The following APOB variants were observed in gnomAD, a reference collection of about 807,000 sequenced individuals.
The protein encoded by APOB is apolipoprotein B.
Under a neutral mutation model 314.1 loss-of-function variants are expected in APOB, and 153 were observed. The observed-to-expected ratio is 0.49, with a 90% CI of 0.43 to 0.56. The LOEUF (loss-of-function observed/expected upper bound fraction) is 0.56, where lower values mean the gene tolerates loss of function less well. Among genes scored for constraint, APOB ranks in the 20% least tolerant of loss-of-function variants. APOB has a pLI of 0.00. For synonymous variants in APOB, 2,087 were observed against 2,036.4 expected, an observed-to-expected ratio of 1.02 and a Z score of -0.67; for missense variants, 5,430 against 5,350.7, an observed-to-expected ratio of 1.01 and a Z score of -0.46.
Position 21,011,460 on chromosome 2 carries a change from T to C in APOB, c.5408A>G (p.Tyr1803Cys), listed in dbSNP as rs1663319271. The C allele has an allele frequency of 6.2e-7, 1 of 1,614,210 alleles. No individual in the cohort carries two copies. The highest frequency in any genetic ancestry group is 8.5e-7 in the Non-Finnish European group (1 of 1,180,034). ...LVTTLNSDLK[Y>C]NALDLTNNGK... ...ATTGTTGGTGAGATCCAGAGCATTG[T>C]ATTTCAGGTCACTGTTTAAAGTAGT... Residue 1803 changes from tyrosine to cysteine, a missense_variant, in exon 26 of 29, where the codon TAC (tyrosine) becomes TGC (cysteine). Around this residue, in one of 3 missense-constraint regions of APOB, gnomAD observed 64 missense variants for 99.9 expected, o/e 0.64. Transcript: ENST00000233242.
intron 28 of APOB, 98 bp downstream of exon 28, chr2:21,004,171 G>C (rs774293185): frequency 1.5e-6 from 2 of 1,344,858 alleles, no homozygotes. Flanking sequence ...CTTTCACCTA[G>C]TTTGGGGAAT....
At chr2:21,024,579 C>T in intron 16 of APOB, 1 of 464,818 alleles carries the variant, frequency 2.2e-6, no homozygotes, top group Non-Finnish European at 3.8e-6. Context: ...GATTGTATCA[C>T]TGCACTCCAG....
chr2:21,011,914 T>G lies in APOB; in HGVS notation c.4954A>C (p.Ile1652Leu), dbSNP rs776008744. Reference sequence around the variant, plus strand: ...AAGTTGGTCGTTGCACTGGTAGATATTCCATCTTGGCCAATCCTTAGTGTC... The same window carrying G: ...AAGTTGGTCGTTGCACTGGTAGATAGTCCATCTTGGCCAATCCTTAGTGTC... ...KATLRIGQDG[I>L]STSATTNLKC... Residue 1652 changes from isoleucine (I) to leucine (L), a missense_variant, in exon 26 of 29, where the codon ATA becomes CTA. This residue lies in a region of APOB where 2,085 missense variants were observed against 2,079.7 expected (regional missense o/e 1.00). Transcript: ENST00000233242. 6.2e-5 allele frequency: 100 copies of G among 1,613,900 alleles called. No homozygotes were observed. The highest frequency in any genetic ancestry group is 8.4e-5 in the Non-Finnish European group (99 of 1,180,040).
In APOB at chr2:21,002,700, A is replaced by G. The variant is rs372040568; in HGVS notation, c.12722T>C (p.Ile4241Thr). ...TAGGTCTTGGAAATAGGAAAACAGT[A>G]TTTCTGAACCATTATGGACTTTCGA... Reference protein sequence around the residue: ...VYSKVHNGSEILFSYFQDLVI... With the variant: ...VYSKVHNGSETLFSYFQDLVI... Residue 4241 changes from isoleucine to threonine, a missense_variant, in exon 29 of 29, where the codon ATA (isoleucine) becomes ACA (threonine). Transcript: ENST00000233242. 2.5e-6 allele frequency: 4 copies of G among 1,613,646 alleles called. No homozygotes were observed. Among genetic ancestry groups the G allele is most frequent in the Non-Finnish European group, 3.4e-6 (4 of 1,179,870 alleles).
In APOB at chr2:21,006,042, G is replaced by C; in HGVS notation, c.10826C>G (p.Ser3609Cys). 1 of 1,613,990 alleles carries C rather than the reference G, an allele frequency of 6.2e-7. No individual in the cohort carries two copies. Residue 3609 changes from serine (S) to cysteine (C), a missense_variant, in exon 26 of 29, where the codon TCC becomes TGC. Around this residue, in one of 3 missense-constraint regions of APOB, gnomAD observed 3,281 missense variants for 3,171.0 expected, o/e 1.03. Coordinates refer to ENST00000233242, the MANE Select transcript of APOB (RefSeq NM_000384.3). ...GCCAAGGTCAGGGAAATCATGGAAG[G>C]AACTGGGCTGACTTGCATGGACCTG... ...LVQVHASQPS[S>C]FHDFPDLGQE...
Position 21,005,108 on chromosome 2 carries a change from G to A in APOB, c.11760C>T (p.Thr3920=), listed in dbSNP as rs372222161. 3.1e-5 allele frequency: 50 copies of A among 1,613,804 alleles called. No homozygotes were observed. The highest frequency in any genetic ancestry group is 3.6e-5 in the Non-Finnish European group (42 of 1,179,882). ...ETVLDSTCSS[T]VQFLEYELNV... is the part of the protein sequence containing the mutation. ...TTAGTTCATATTCTAGGAACTGTACGGTTGAGCTGCATGTGGAATCCAGGA... is the reference window on the plus strand; with the variant it reads ...TTAGTTCATATTCTAGGAACTGTACAGTTGAGCTGCATGTGGAATCCAGGA... Residue 3920 remains threonine (T), a synonymous_variant, in exon 26 of 29, where the codon ACC becomes ACT. Coordinates refer to ENST00000233242, the MANE Select transcript of APOB (RefSeq NM_000384.3).
At position 21,010,175 on chromosome 2, in the gene APOB, C is replaced by A. The variant is rs1553383661; in HGVS notation, c.6693G>T (p.Leu2231Phe). 2 of 1,600,534 alleles carry A rather than the reference C, an allele frequency of 1.2e-6. No homozygotes were observed. The highest frequency in any genetic ancestry group is 2.2e-5 in the East Asian group (1 of 44,494). ...NLVKTIHDLH[L>F]FIENIDFNKS... is the part of the protein sequence containing the mutation. The stretch of plus-strand genomic sequence containing the variant: ...TGTTAAAATCAATATTTTCAATAAA[C>A]AAATGTAGATCATGGATTGTTTTTA... The change falls in exon 26 of 29, where the codon TTG (leucine) becomes TTT (phenylalanine). Residue 2231 changes from leucine (L) to phenylalanine (F), a missense_variant. Leu to Phe is a conservative substitution (Grantham distance 22, BLOSUM62 0). Around this residue, in one of 3 missense-constraint regions of APOB, gnomAD observed 3,281 missense variants for 3,171.0 expected, o/e 1.03. Coordinates refer to ENST00000233242, the MANE Select transcript of APOB (RefSeq NM_000384.3).
intron 10 of APOB, among the ~76,000 whole-genome samples, chr2:21,030,720 G>A (rs968050552): frequency 1.5e-4 from 23 of 151,988 alleles, no homozygotes; most frequent in Admixed American, 4.6e-4. Flanking sequence ...ACTAATATCC[G>A]GAATGTACAA....
At chr2:21,040,816 C>G (rs1425794842) in intron 4 of APOB, 122 bp downstream of exon 4, 1 of 1,136,716 alleles carries the variant, frequency 8.8e-7, no homozygotes, top group African/African-American at 1.5e-5. Flanking sequence ...CAGTAATTCC[C>G]TGATCCACGA....
chr2:21,022,753 T>C, intron 18 of APOB, 78 bp downstream of exon 18: 1 of 1,391,582 alleles, frequency 7.2e-7, no homozygotes, highest in Non-Finnish European at 1.0e-6. Context: ...ATCAACTGTT[T>C]AGCCTGGCAA....
chr2:21,004,568 C>G lies in APOB; in HGVS notation c.11896G>C (p.Gly3966Arg), dbSNP rs781598847. The G allele has an allele frequency of 6.2e-7, 1 of 1,613,656 alleles. No individual in the cohort carries two copies. Among genetic ancestry groups the G allele is most frequent in the Non-Finnish European group, 8.5e-7 (1 of 1,179,646 alleles). ...TCAATAAAAGCTCCATACTGAAGTCCTTCATATTTGCCATCTTCTTCATAT... is the reference window on the plus strand; with the variant it reads ...TCAATAAAAGCTCCATACTGAAGTCGTTCATATTTGCCATCTTCTTCATAT... The part of the protein sequence containing the change: ...AEYEEDGKYE[G>R]LQEWEGKAHL... The change falls in exon 27 of 29, where the codon GGA becomes CGA. Residue 3966 changes from glycine (G) to arginine (R), a missense_variant. By Grantham distance (125) the Gly-to-Arg change is moderately radical. This residue lies in a region of APOB where 3,281 missense variants were observed against 3,171.0 expected (regional missense o/e 1.03). Transcript: ENST00000233242.
rs1663473669 is a variant in APOB, at chr2:21,016,643, T to C, written c.3128A>G (p.Lys1043Arg). Reference protein sequence around the residue: ...LKFVTQAEGAKQTEATMTFKY... With the variant: ...LKFVTQAEGARQTEATMTFKY... ...GAATGTCATGGTAGCCTCAGTCTGC[T>C]TCGCACCTGGACGAGTGTATAAGAG... Residue 1043 changes from lysine to arginine, a missense_variant, in exon 21 of 29, where the codon AAG (lysine) becomes AGG (arginine). Around this residue, in one of 3 missense-constraint regions of APOB, gnomAD observed 2,085 missense variants for 2,079.7 expected, o/e 1.00. Coordinates refer to ENST00000233242, the MANE Select transcript of APOB (RefSeq NM_000384.3). 6.3e-7 allele frequency: 1 copy of C among 1,598,224 alleles called. No individual in the cohort carries two copies. The highest frequency in any genetic ancestry group is 1.3e-5 in the African/African-American group (1 of 74,748).
At position 21,005,978 on chromosome 2, in the gene APOB, C is replaced by G. The variant is rs768105768; in HGVS notation, c.10890G>C (p.Lys3630Asn). ...TCCGGACTTCATTTTTCCATCTGAT[C>G]TTCTGGTTCTTAGTGTTAGCATTCA... ...VALNANTKNQ[K>N]IRWKNEVRIH... The change falls in exon 26 of 29, where the codon AAG (lysine) becomes AAC (asparagine). Residue 3630 changes from lysine (K) to asparagine (N), a missense_variant. Coordinates refer to ENST00000233242, the MANE Select transcript of APOB (RefSeq NM_000384.3). 2 of 1,613,808 alleles carry G rather than the reference C, an allele frequency of 1.2e-6. No individual in the cohort carries two copies. Among genetic ancestry groups the G allele is most frequent in the Non-Finnish European group, 1.7e-6 (2 of 1,179,946 alleles).
rs779190356 is a variant in APOB, at chr2:21,009,006, A to AG, written c.7861dup (p.Leu2621ProfsTer34). ...AACTGATGGAATCCTCAAATCTGTT[A>AG]GGGGGACTATAAAATCAGGTGTCTG... On this transcript the variant is annotated frameshift_variant, in exon 26 of 29. Transcript: ENST00000233242. LOFTEE classifies it high-confidence loss of function. 1 of 1,614,062 alleles carries AG rather than the reference A, an allele frequency of 6.2e-7. No homozygotes were observed. Among genetic ancestry groups the AG allele is most frequent in the South Asian group, 1.1e-5 (1 of 91,076 alleles).
intron 17 of APOB, 147 bp downstream of exon 17, chr2:21,023,378 A>G: frequency 1.1e-6 from 1 of 949,886 alleles, no homozygotes; most frequent in Non-Finnish European, 1.6e-6. Context: ...GGAAGCTTGA[A>G]GTTTTTCATA....
At position 21,005,134 on chromosome 2, in the gene APOB, C is replaced by G; in HGVS notation, c.11734G>C (p.Val3912Leu). ...LKNKADYVETVLDSTCSSTVQ... is the reference protein window; with the variant it reads ...LKNKADYVETLLDSTCSSTVQ... Reference sequence around the variant, plus strand: ...GTTGAGCTGCATGTGGAATCCAGGACTGTTTCAACATAATCTGCTTTGTTT... The same window carrying G: ...GTTGAGCTGCATGTGGAATCCAGGAGTGTTTCAACATAATCTGCTTTGTTT... The change falls in exon 26 of 29, where the codon GTC becomes CTC. Residue 3912 changes from valine to leucine, a missense_variant. By Grantham distance (32) the Val-to-Leu change is conservative. This residue lies in a region of APOB where 3,281 missense variants were observed against 3,171.0 expected (regional missense o/e 1.03). Coordinates refer to ENST00000233242, the MANE Select transcript of APOB (RefSeq NM_000384.3). 2 of 1,614,012 alleles carry G rather than the reference C, an allele frequency of 1.2e-6. No homozygotes were observed. Among genetic ancestry groups the G allele is most frequent in the African/African-American group, 1.3e-5 (1 of 75,030 alleles).
At position 21,008,502 on chromosome 2, in the gene APOB, A is replaced by G. The variant is rs941835419; in HGVS notation, c.8366T>C (p.Ile2789Thr). 27 of 1,613,976 alleles carry G rather than the reference A, an allele frequency of 1.7e-5. No individual in the cohort carries two copies. The highest frequency in any genetic ancestry group is 2.1e-5 in the Non-Finnish European group (25 of 1,179,972). ...NGTTSANEAGIAASITAKGES... is the reference protein window; with the variant it reads ...NGTTSANEAGTAASITAKGES... ...TCCTTTGGCAGTGATGGAAGCTGCG[A>G]TACCTGCTTCGTTTGCTGAGGTGGT... Residue 2789 changes from isoleucine to threonine, a missense_variant, in exon 26 of 29, where the codon ATC becomes ACC. Physicochemically the swap from Ile to Thr is moderately conservative, Grantham distance 89 (BLOSUM62 -1). Around this residue, in one of 3 missense-constraint regions of APOB, gnomAD observed 3,281 missense variants for 3,171.0 expected, o/e 1.03. Coordinates refer to ENST00000233242, the MANE Select transcript of APOB (RefSeq NM_000384.3).
intron 20 of APOB, 23 bp from the exon 21 acceptor site, chr2:21,016,672 C>T (rs757805823): frequency 1.8e-5 from 26 of 1,481,522 alleles, no homozygotes; most frequent in Non-Finnish European, 2.5e-5. Context: ...ATAAGAGAAT[C>T]AAGAGATGTG....
chr2:21,043,748 C>T (rs1348030078), intron 1 of APOB, 116 bp downstream of exon 1: 4 of 1,506,110 alleles, frequency 2.7e-6, no homozygotes, highest in African/African-American at 2.8e-5. Flanking sequence ...TCCCCCCACT[C>T]GCCCTGGACC....
Sources: allele counts gnomAD v4.1 joint callset (sites outside exome capture counted in the v4.1 genomes callset), GRCh38; gene constraint gnomAD v4.1.1; regional missense constraint gnomAD v4.1.1; transcripts MANE v1.5; gene names NCBI Gene and HGNC (gene_info 2026-07-23, HGNC 2026-07-21).